CHST11: variants seen among roughly 807,000 people sequenced by gnomAD.
The protein encoded by CHST11 is C4S-1.
CHST11 carries 9 observed loss-of-function variants against 30.4 expected under a neutral mutation model. That is an observed-to-expected ratio of 0.30 (90% CI 0.18 to 0.52). The LOEUF (loss-of-function observed/expected upper bound fraction) is 0.52. Ranked by LOEUF, CHST11 falls within the 20% of genes least tolerant of loss-of-function variation. The pLI is 0.97. For synonymous variants in CHST11, 152 were observed against 187.8 expected (o/e 0.81, Z 1.56); for missense variants, 348 against 460.6 (o/e 0.76, Z 2.24).
At chr12:104,706,633 G>A (rs946607189) in intron 2 of CHST11, among the ~76,000 whole-genome samples, 1 of 152,074 alleles carries the variant, frequency 6.6e-6, no homozygotes, top group African/African-American at 2.4e-5. Context: ...ATGACTTTGG[G>A]GGCAAGGTCT....
At chr12:104,470,726 A>G (rs2037500714) in intron 1 of CHST11, among the ~76,000 whole-genome samples, 1 of 152,180 alleles carries the variant, frequency 6.6e-6, no homozygotes, top group South Asian at 2.1e-4. Flanking sequence ...TACCAATCCC[A>G]TTATACAGGT....
intron 1 of CHST11, among the ~76,000 whole-genome samples, chr12:104,480,646 C>T (rs984196935): frequency 1.3e-5 from 2 of 150,910 alleles, no homozygotes; most frequent in African/African-American, 2.4e-5. Flanking sequence ...ATATGACTAG[C>T]GTCCTTATTA....
At chr12:104,683,856 A>G (rs1031389764) in intron 2 of CHST11, among the ~76,000 whole-genome samples, 1 of 152,306 alleles carries the variant, frequency 6.6e-6, no homozygotes, top group East Asian at 1.9e-4. Flanking sequence ...CATCTATGGG[A>G]AAATTCACTA....
chr12:104,603,223 C>CT (rs2038973872), intron 2 of CHST11, among the ~76,000 whole-genome samples: 1 of 152,224 alleles, frequency 6.6e-6, no homozygotes, highest in South Asian at 2.1e-4. Flanking sequence ...AGAGGCAGAA[C>CT]TGTGCTTCAA....
chr12:104,586,697 A>G (rs1335869546), intron 1 of CHST11, among the ~76,000 whole-genome samples: 2 of 152,220 alleles, frequency 1.3e-5, no homozygotes, highest in Admixed American at 1.3e-4. Flanking sequence ...CTGCAAAATA[A>G]ATGTATAAGC....
At chr12:104,587,541 G>A (rs1400786134) in intron 1 of CHST11, among the ~76,000 whole-genome samples, 1 of 152,120 alleles carries the variant, frequency 6.6e-6, no homozygotes, top group Non-Finnish European at 1.5e-5. Flanking sequence ...GGGACTACAG[G>A]CGTGCACCAC....
intron 2 of CHST11, among the ~76,000 whole-genome samples, chr12:104,756,215 C>A (rs1343983255): frequency 6.6e-6 from 1 of 152,200 alleles, no homozygotes; most frequent in Non-Finnish European, 1.5e-5. Flanking sequence ...TAGGGTGCCA[C>A]CACTCCGTGA....
intron 1 of CHST11, among the ~76,000 whole-genome samples, chr12:104,592,412 A>T (rs1304205276): frequency 6.6e-6 from 1 of 152,158 alleles, no homozygotes; most frequent in Non-Finnish European, 1.5e-5. Flanking sequence ...GTTCATAGAC[A>T]GTCCCTTCTT....
chr12:104,482,436 G>A (rs1432642031), intron 1 of CHST11, among the ~76,000 whole-genome samples: 1 of 151,950 alleles, frequency 6.6e-6, no homozygotes, highest in African/African-American at 2.4e-5. Context: ...CATCCACATG[G>A]CTTTATTTTT....
chr12:104,476,283 A>G (rs1000742687), intron 1 of CHST11, among the ~76,000 whole-genome samples: 2 of 150,464 alleles, frequency 1.3e-5, no homozygotes, highest in African/African-American at 2.4e-5. Context: ...CACATGTAGT[A>G]TATACACATA....
chr12:104,508,136 A>G (rs2178666), intron 1 of CHST11, among the ~76,000 whole-genome samples: 22,348 of 152,088 alleles, frequency 0.15, 1,838 homozygotes, highest in East Asian at 0.34. Context: ...AGTTCCCTCC[A>G]TATACTGTTC....
At chr12:104,557,763 C>T (rs964640226) in intron 1 of CHST11, among the ~76,000 whole-genome samples, 2 of 152,144 alleles carry the variant, frequency 1.3e-5, no homozygotes, top group African/African-American at 4.8e-5. Flanking sequence ...AACCAGCTCA[C>T]TCCATCTCAC....
intron 2 of CHST11, among the ~76,000 whole-genome samples, chr12:104,605,225 G>A (rs1040844868): frequency 6.6e-5 from 10 of 151,568 alleles, no homozygotes; most frequent in Non-Finnish European, 1.5e-4. Flanking sequence ...GGGAAATTTT[G>A]GCTATAATCT....
intron 2 of CHST11, among the ~76,000 whole-genome samples, chr12:104,664,071 G>A (rs1335801337): frequency 6.6e-6 from 1 of 152,108 alleles, no homozygotes; most frequent in African/African-American, 2.4e-5. Context: ...TACTTCCAGC[G>A]AGCTATCTAG....
rs1271874566 is a variant in CHST11, at chr12:104,758,472, T to C, written c.*669T>C. The C allele has an allele frequency of 1.3e-5, 2 of 152,186 alleles. No individual in the cohort carries two copies. The highest frequency in any genetic ancestry group is 4.8e-5 in the African/African-American group (2 of 41,440). The allele number at this position is 152,186 out of a possible 1,614,324, so 9.4% of individuals were successfully genotyped here. On this transcript the variant is annotated 3_prime_UTR_variant, in exon 3 of 3. Coordinates refer to ENST00000303694, the MANE Select transcript of CHST11 (RefSeq NM_018413.6). ...CACCAGAATTAGCAATCTGATAGAA[T>C]AGGCTTTTTTAACAGGAATTTTAAA...
intron 1 of CHST11, among the ~76,000 whole-genome samples, chr12:104,488,597 A>C (rs1211562868): frequency 7.6e-6 from 1 of 132,126 alleles, no homozygotes; most frequent in Non-Finnish European, 1.6e-5. Flanking sequence ...ATGCGTATGT[A>C]TGCGTATGTG....
At chr12:104,502,490 C>T (rs996587115) in intron 1 of CHST11, among the ~76,000 whole-genome samples, 2 of 152,132 alleles carry the variant, frequency 1.3e-5, no homozygotes, top group Non-Finnish European at 2.9e-5. Context: ...CCTCAGATTG[C>T]TAGTAATTTA....
chr12:104,712,659 C>T (rs1457775221), intron 2 of CHST11, among the ~76,000 whole-genome samples: 5 of 152,134 alleles, frequency 3.3e-5, no homozygotes, highest in East Asian at 1.9e-4. Context: ...AACTACCAGC[C>T]GAGAGAAATC....
chr12:104,549,771 G>A lies in CHST11; in HGVS notation c.119-52135G>A, dbSNP rs564712332. 1.2e-4 allele frequency among the ~76,000 whole-genome samples: 18 copies of A among 152,284 alleles called. No homozygotes were observed. The South Asian group carries it at 2.9e-3, about 25-fold the overall frequency. On this transcript the variant is annotated intron_variant, in intron 1 of 2. Transcript: ENST00000303694. The stretch of plus-strand genomic sequence containing the variant: ...AAATAACAAAAATTAGTCAGGTGTG[G>A]TGGTGCGTGCCTGTAGTCCCAGCTA...
Sources: allele counts gnomAD v4.1 joint callset (sites outside exome capture counted in the v4.1 genomes callset), GRCh38; gene constraint gnomAD v4.1.1; transcripts MANE v1.5; gene names NCBI Gene and HGNC (gene_info 2026-07-23, HGNC 2026-07-21).